Variants in BCAR1 observed in about 807,000 individuals in gnomAD.
The protein encoded by BCAR1 is breast cancer anti-estrogen resistance protein 1.
Under a neutral mutation model 67.6 loss-of-function variants are expected in BCAR1, and 30 were observed. The observed-to-expected ratio is 0.44, with a 90% CI of 0.33 to 0.60. The LOEUF (loss-of-function observed/expected upper bound fraction) is 0.60. Among genes scored for constraint, BCAR1 ranks in the 20% least tolerant of loss-of-function variants. The pLI, the probability that BCAR1 is intolerant of heterozygous loss-of-function variation, is 0.02. For synonymous variants in BCAR1, 626 were observed against 556.7 expected (o/e 1.12, Z -1.75); for missense variants, 1,313 against 1,222.3 (o/e 1.07, Z -1.11).
intron 1 of BCAR1, chr16:75,267,814 C>T: frequency 7.8e-7 from 1 of 1,285,090 alleles, no homozygotes; most frequent in East Asian, 2.5e-5. Context: ...TCCAATCCAT[C>T]TCATCCTGCC....
intron 6 of BCAR1, 73 bp downstream of exon 6, chr16:75,233,773 C>A (rs373457055): frequency 1.4e-6 from 2 of 1,478,954 alleles, no homozygotes; most frequent in South Asian, 1.2e-5. Flanking sequence ...CGGGGTCGGC[C>A]CTGCAGGGCA....
At chr16:75,237,413 G>A in intron 2 of BCAR1, 69 bp from the exon 3 acceptor site, 1 of 1,397,788 alleles carries the variant, frequency 7.2e-7, no homozygotes, top group South Asian at 1.7e-5. Flanking sequence ...CTCACACCTG[G>A]GAGCCACGTC....
chr16:75,241,602 C>T (rs1387594534), intron 2 of BCAR1, among the ~76,000 whole-genome samples: 2 of 152,228 alleles, frequency 1.3e-5, no homozygotes, highest in African/African-American at 2.4e-5. Context: ...GACCCAGGTT[C>T]CCCTGGTGGC....
chr16:75,263,064 TCTGTGGGC>T (rs2077940004), intron 1 of BCAR1, among the ~76,000 whole-genome samples: 1 of 151,976 alleles, frequency 6.6e-6, no homozygotes, highest in Non-Finnish European at 1.5e-5. Flanking sequence ...ACACAGGCCC[TCTGTGGGC>T]CTGTGAGGTC....
Position 75,228,389 on chromosome 16 carries a change from G to A in BCAR1, c.*1122C>T, listed in dbSNP as rs1343943410. On this transcript the variant is annotated 3_prime_UTR_variant, in exon 7 of 7. Transcript: ENST00000162330. ...CCATGTTCATATGCAGAACGGTCAG[G>A]GCTGGGAGCAGCACCAGGGGTTCCA... is the stretch of plus-strand genomic sequence containing the variant. 6.6e-6 allele frequency: 1 copy of A among 152,252 alleles called. No homozygotes were observed. Among genetic ancestry groups the A allele is most frequent in the Non-Finnish European group, 1.5e-5 (1 of 68,078 alleles). The allele number at this position is 152,252 out of a possible 1,614,324, so 9.4% of individuals were successfully genotyped here.
intron 1 of BCAR1, chr16:75,264,751 C>T (rs1424743819): frequency 5.3e-5 from 46 of 869,574 alleles, no homozygotes; most frequent in Non-Finnish European, 6.9e-5. Context: ...AAAGCCCCCA[C>T]TGCCTGCTTC....
chr16:75,237,253 G>C lies in BCAR1; in HGVS notation c.725C>G (p.Ala242Gly), dbSNP rs1434710530. ...ATCATAGATGTCCTGTGGCCCCGGG[G>C]CCAGCAGGTGTCGCGGGATGTCGTA... is the stretch of plus-strand genomic sequence containing the variant. ...DEYDIPRHLLAPGPQDIYDVP... is the reference protein window; with the variant it reads ...DEYDIPRHLLGPGPQDIYDVP... Residue 242 changes from alanine (A) to glycine (G), a missense_variant, in exon 3 of 7, where the codon GCC (alanine) becomes GGC (glycine). Coordinates refer to ENST00000162330, the MANE Select transcript of BCAR1 (RefSeq NM_014567.5). 2 of 1,528,430 alleles carry C rather than the reference G, an allele frequency of 1.3e-6. No individual in the cohort carries two copies. Among genetic ancestry groups the C allele is most frequent in the South Asian group, 2.5e-5 (2 of 79,038 alleles). 94.7% of individuals were successfully genotyped at this position (1,528,430 alleles called of 1,614,324 possible).
chr16:75,236,621 C>G (rs1477465147), intron 4 of BCAR1: 1 of 550,964 alleles, frequency 1.8e-6, no homozygotes, highest in Non-Finnish European at 3.0e-6. Context: ...TGAGATGACA[C>G]ATCCCGTGGT....
intron 1 of BCAR1, chr16:75,250,613 C>A: frequency 1.0e-6 from 1 of 984,010 alleles, no homozygotes; most frequent in Non-Finnish European, 1.2e-6. Flanking sequence ...TCTTCCAGGC[C>A]GTAAGCCCCT....
chr16:75,265,852 CG>C (rs2077998865), intron 1 of BCAR1: 1 of 1,165,584 alleles, frequency 8.6e-7, no homozygotes, highest in Non-Finnish European at 1.1e-6. Flanking sequence ...CCGCCGCCCC[CG>C]GGGCCTGGCG....
At chr16:75,239,414 G>A (rs774386270) in intron 2 of BCAR1, among the ~76,000 whole-genome samples, 27 of 152,108 alleles carry the variant, frequency 1.8e-4, no homozygotes, top group South Asian at 4.1e-4. Context: ...CCAGGGTGCC[G>A]CCCCTCTCCT....
chr16:75,229,588 T>C lies in BCAR1; in HGVS notation c.2536A>G (p.Met846Val), dbSNP rs1470123082. Residue 846 changes from methionine to valine, a missense_variant, in exon 7 of 7, where the codon ATG becomes GTG. This residue lies in a region of BCAR1 where 1,272 missense variants were observed against 1,137.5 expected (regional missense o/e 1.12). Transcript: ENST00000162330. ...CCCAGCTCCTTGACCCTCTCCACCA[T>C]GTCCTGGGCCGCGGAAGGCGATGGG... Reference protein sequence around the residue: ...QYPSPSAAQDMVERVKELGHS... With the variant: ...QYPSPSAAQDVVERVKELGHS... 1 of 1,611,170 alleles carries C rather than the reference T, an allele frequency of 6.2e-7. No homozygotes were observed. Among genetic ancestry groups the C allele is most frequent in the Non-Finnish European group, 8.5e-7 (1 of 1,179,506 alleles).
chr16:75,249,410 C>G (rs965373902), intron 1 of BCAR1: 1 of 152,224 alleles, frequency 6.6e-6, no homozygotes, highest in East Asian at 1.9e-4. Context: ...CTCCTGTGCT[C>G]GGAGGGCCAG....
chr16:75,252,164 C>T, upstream of BCAR1: 2 of 1,530,756 alleles, frequency 1.3e-6, no homozygotes, highest in Non-Finnish European at 1.8e-6. Flanking sequence ...TGTAAGGACC[C>T]CAGGAAATGA....
chr16:75,264,740 G>GA, intron 1 of BCAR1: 1 of 1,013,554 alleles, frequency 9.9e-7, no homozygotes, highest in Non-Finnish European at 1.3e-6. Flanking sequence ...CCACTTGCCA[G>GA]AAAGCCCCCA....
Position 75,229,765 on chromosome 16 carries a change from G to A in BCAR1, c.2359C>T (p.Leu787Phe), listed in dbSNP as rs774100510. 5 of 1,613,512 alleles carry A rather than the reference G, an allele frequency of 3.1e-6. No homozygotes were observed. The highest frequency in any genetic ancestry group is 3.4e-6 in the Non-Finnish European group (4 of 1,180,014). The stretch of plus-strand genomic sequence containing the variant: ...ATGAACACCAGCTTGTGGGCGCTGA[G>A]GATGACGAACTTGCTGTGCGCCACA... ...IFVAHSKFVI[L>F]SAHKLVFIGD... is the part of the protein sequence containing the mutation. Residue 787 changes from leucine to phenylalanine, a missense_variant, in exon 7 of 7, where the codon CTC becomes TTC. Leu to Phe is a conservative substitution (Grantham distance 22). Coordinates refer to ENST00000162330, the MANE Select transcript of BCAR1 (RefSeq NM_014567.5).
chr16:75,264,787 G>T, intron 1 of BCAR1: 1 of 513,330 alleles, frequency 1.9e-6, no homozygotes, highest in Non-Finnish European at 2.8e-6. Context: ...TCCTCCGGGT[G>T]AGGAGCAGTT....
At chr16:75,267,931 T>C (rs1456419783) in exon 1 of BCAR1, 1 of 1,603,246 alleles carries the variant, frequency 6.2e-7, no homozygotes, top group Admixed American at 1.7e-5. Context: ...GCAGGGATCC[T>C]TGGGTGTGGG....
At chr16:75,265,675 C>A in intron 1 of BCAR1, 2 of 905,584 alleles carry the variant, frequency 2.2e-6, no homozygotes, top group Non-Finnish European at 2.8e-6. Flanking sequence ...CCTCCCCCAG[C>A]CGGTGCGCTC....
Sources: gnomAD v4.1 joint callset for allele counts (sites outside exome capture counted in the v4.1 genomes callset) on GRCh38, gnomAD v4.1.1 for gene constraint, gnomAD v4.1.1 regional missense constraint, MANE v1.5 for transcripts, NCBI Gene and HGNC (gene_info 2026-07-23, HGNC 2026-07-21) for gene names.